TANGO6: variants seen among roughly 807,000 people sequenced by gnomAD.
The protein encoded by TANGO6 is transport and Golgi organization protein 6 homolog.
Under a neutral mutation model 114.2 loss-of-function variants are expected in TANGO6, and 90 were observed. The ratio of observed to expected loss-of-function variants is 0.79; its 90% CI spans 0.66 to 0.94. The LOEUF (loss-of-function observed/expected upper bound fraction) is 0.94, where lower values mean the gene tolerates loss of function less well. Ranked by LOEUF, TANGO6 falls within the 40% of genes least tolerant of loss-of-function variation. TANGO6 has a pLI of 0.00. For missense variants in TANGO6, 1,274 were observed against 1,315.3 expected (o/e 0.97, Z 0.49); for synonymous variants, 477 against 509.8 (o/e 0.94, Z 0.87).
chr16:69,073,188 C>T (rs1960321514), intron 17 of TANGO6, among the ~76,000 whole-genome samples: 1 of 152,022 alleles, frequency 6.6e-6, no homozygotes, highest in Admixed American at 6.6e-5. Flanking sequence ...GCTGGTTTTG[C>T]TTGGAAACTG....
intron 1 of TANGO6, 62 bp downstream of exon 1, chr16:68,843,773 G>C: frequency 6.5e-7 from 1 of 1,545,866 alleles, no homozygotes; most frequent in Non-Finnish European, 8.9e-7. Flanking sequence ...CCGGCTTCCG[G>C]GGCTGCCCTG....
At chr16:68,997,003 G>A (rs1432681307) in intron 15 of TANGO6, among the ~76,000 whole-genome samples, 1 of 152,152 alleles carries the variant, frequency 6.6e-6, no homozygotes, top group African/African-American at 2.4e-5. Flanking sequence ...TGGATTGGGC[G>A]AAACAAAAAG....
At chr16:68,882,003 T>G (rs967704128) in intron 7 of TANGO6, among the ~76,000 whole-genome samples, 1 of 151,960 alleles carries the variant, frequency 6.6e-6, no homozygotes. Flanking sequence ...AAATAATAAA[T>G]ACAATTTATT....
In TANGO6 at chr16:68,951,318, C is replaced by CA. The variant is rs1427659846; in HGVS notation, c.2701+21033dup. Reference sequence around the variant, plus strand: ...AGCCTGGGTGACAGAGACCCTGTCTCAAAAAAAAAAGGCAGGGTGGGGGGG... The same window carrying CA: ...AGCCTGGGTGACAGAGACCCTGTCTCAAAAAAAAAAAGGCAGGGTGGGGGGG... On this transcript the variant is annotated intron_variant, in intron 14 of 17. Transcript: ENST00000261778. Among the ~76,000 whole-genome samples, 99 of 59,396 alleles carry CA rather than the reference C, an allele frequency of 1.7e-3. No homozygotes were observed. The Middle Eastern group carries it at 0.018, about 11-fold the overall frequency. 39.0% of individuals were successfully genotyped at this position (59,396 alleles called of 152,430 possible).
At chr16:68,898,653 A>C (rs74025332) in intron 7 of TANGO6, among the ~76,000 whole-genome samples, 1 of 152,160 alleles carries the variant, frequency 6.6e-6, no homozygotes, top group African/African-American at 2.4e-5. Context: ...TTCACCCGCA[A>C]AATAGGGCTC....
chr16:68,913,811 G>A (rs1285900383), intron 11 of TANGO6, among the ~76,000 whole-genome samples: 1 of 152,092 alleles, frequency 6.6e-6, no homozygotes, highest in East Asian at 1.9e-4. Context: ...TCTAAAAATG[G>A]AGTTGAATTT....
At chr16:68,957,140 C>T (rs866231209) in intron 14 of TANGO6, among the ~76,000 whole-genome samples, 6 of 151,474 alleles carry the variant, frequency 4.0e-5, no homozygotes, top group South Asian at 4.2e-4. Flanking sequence ...TATTTTATTG[C>T]GGTTTTATGT....
At chr16:68,941,299 TA>T (rs1296315589) in intron 14 of TANGO6, among the ~76,000 whole-genome samples, 2 of 152,188 alleles carry the variant, frequency 1.3e-5, no homozygotes, top group Non-Finnish European at 2.9e-5. Flanking sequence ...GGAAACAAAG[TA>T]TTTGCATAAA....
At chr16:68,920,221 G>A (rs1249754664) in intron 12 of TANGO6, among the ~76,000 whole-genome samples, 1 of 152,122 alleles carries the variant, frequency 6.6e-6, no homozygotes, top group Non-Finnish European at 1.5e-5. Context: ...TTGAATGAAG[G>A]GTCTCAAAAG....
chr16:69,067,982 A>G (rs983842856), intron 17 of TANGO6, among the ~76,000 whole-genome samples: 1 of 150,796 alleles, frequency 6.6e-6, no homozygotes, highest in African/African-American at 2.4e-5. Flanking sequence ...CTCTACTAAA[A>G]ATACAAAAAT....
intron 11 of TANGO6, among the ~76,000 whole-genome samples, chr16:68,912,302 A>C (rs1962932954): frequency 6.6e-6 from 1 of 152,160 alleles, no homozygotes; most frequent in Non-Finnish European, 1.5e-5. Context: ...GTTCGAGACC[A>C]GCCTGGGCAA....
At chr16:68,971,163 AAAAG>A (rs1442708661) in intron 14 of TANGO6, among the ~76,000 whole-genome samples, 3 of 152,132 alleles carry the variant, frequency 2.0e-5, no homozygotes. Context: ...AAAAAAAAAA[AAAAG>A]AAAGTTATGA....
At position 68,898,143 on chromosome 16, in the gene TANGO6, G is replaced by A. The variant is rs572135366; in HGVS notation, c.1378-2291G>A. Among the ~76,000 whole-genome samples, 37 of 151,932 alleles carry A rather than the reference G, an allele frequency of 2.4e-4. No individual in the cohort carries two copies. In the South Asian group the frequency reaches 7.3e-3, roughly 30 times the overall value. ...GAACAATAGGTCTTTACGTTATCTG[G>A]AAGAATCTCTTCTTTTGCCTCCTGT... On this transcript the variant is annotated intron_variant, in intron 7 of 17. Transcript: ENST00000261778.
chr16:68,893,757 CAAA>C (rs796651419), intron 7 of TANGO6, among the ~76,000 whole-genome samples: 4 of 84,168 alleles, frequency 4.8e-5, no homozygotes, highest in Non-Finnish European at 1.0e-4. Flanking sequence ...AGAAAACAAC[CAAA>C]AAAAAAAAAA....
chr16:68,928,282 T>C (rs972199540), intron 13 of TANGO6, among the ~76,000 whole-genome samples, 199 bp downstream of exon 13: 1 of 149,186 alleles, frequency 6.7e-6, no homozygotes, highest in African/African-American at 2.5e-5. Context: ...CTCAAATGAA[T>C]ATGAACTGAG....
intron 17 of TANGO6, among the ~76,000 whole-genome samples, chr16:69,078,116 T>C (rs1224970297): frequency 6.6e-6 from 1 of 152,052 alleles, no homozygotes; most frequent in African/African-American, 2.4e-5. Context: ...AGCAAAATAT[T>C]AATAGCCTCC....
At chr16:68,858,508 G>A (rs1962036602) in intron 1 of TANGO6, among the ~76,000 whole-genome samples, 5 of 152,130 alleles carry the variant, frequency 3.3e-5, no homozygotes. Context: ...TTGGCATAAT[G>A]TTCATTAATT....
intron 17 of TANGO6, among the ~76,000 whole-genome samples, chr16:69,054,217 T>C (rs994924171): frequency 1.3e-5 from 2 of 152,254 alleles, no homozygotes; most frequent in Admixed American, 6.5e-5. Flanking sequence ...CACTCTCATC[T>C]GTGTCTCTAT....
intron 14 of TANGO6, among the ~76,000 whole-genome samples, chr16:68,971,100 C>T (rs1480540545): frequency 1.3e-5 from 2 of 149,054 alleles, no homozygotes; most frequent in Admixed American, 6.8e-5. Context: ...TGCAGTGAGC[C>T]GAGATCAAGC....
Sources: gnomAD v4.1 joint callset for allele counts (sites outside exome capture counted in the v4.1 genomes callset) on GRCh38, gnomAD v4.1.1 for gene constraint, MANE v1.5 for transcripts, NCBI Gene and HGNC (gene_info 2026-07-23, HGNC 2026-07-21) for gene names.